DENND2C: variants seen among roughly 807,000 people sequenced by gnomAD.
DENND2C encodes DENN domain containing 2C.
In DENND2C, 72 loss-of-function variants were observed where a neutral mutation model predicts 112.4. The observed-to-expected ratio is 0.64, with a 90% CI of 0.53 to 0.78. The LOEUF (loss-of-function observed/expected upper bound fraction) is 0.78, where lower values mean the gene tolerates loss of function less well. DENND2C is among the 30% of genes least tolerant of loss of function. The probability of loss-of-function intolerance (pLI) is 0.00; values close to 1 mark genes in which losing one functional copy is unlikely to be tolerated. For synonymous variants in DENND2C, 329 were observed against 381.6 expected, an observed-to-expected ratio of 0.86 and a Z score of 1.61; for missense variants, 992 against 1,113.8, an observed-to-expected ratio of 0.89 and a Z score of 1.56.
intron 8 of DENND2C, among the ~76,000 whole-genome samples, chr1:114,612,964 A>G (rs1655864973): frequency 6.6e-6 from 1 of 152,186 alleles, no homozygotes; most frequent in African/African-American, 2.4e-5. Context: ...CCTGGCCAAC[A>G]TTTTAAATCC....
intron 18 of DENND2C, among the ~76,000 whole-genome samples, chr1:114,593,637 T>C (rs924385775): frequency 6.6e-6 from 1 of 151,908 alleles, no homozygotes; most frequent in East Asian, 1.9e-4. Flanking sequence ...ATAAAAAGAT[T>C]AGCTAGGTGT....
chr1:114,608,593 T>TAAC, intron 10 of DENND2C, 93 bp downstream of exon 10: 1 of 1,399,348 alleles, frequency 7.1e-7, no homozygotes, highest in Non-Finnish European at 9.7e-7. Flanking sequence ...TGGTAAAAAC[T>TAAC]TGTTGAGATA....
At chr1:114,586,647 G>T (rs1236596185) in intron 20 of DENND2C, 1 of 151,770 alleles carries the variant, frequency 6.6e-6, no homozygotes. Context: ...TAAAGCTTTT[G>T]TGATGAGGCC....
chr1:114,588,487 A>G, intron 18 of DENND2C: 1 of 153,978 alleles, frequency 6.5e-6, no homozygotes, highest in Non-Finnish European at 1.4e-5. Flanking sequence ...GCACAGAGAT[A>G]GAGCTGGCTA....
intron 16 of DENND2C, among the ~76,000 whole-genome samples, chr1:114,596,167 G>A (rs1365496809): frequency 1.3e-5 from 2 of 152,190 alleles, no homozygotes; most frequent in Non-Finnish European, 2.9e-5. Flanking sequence ...CAGCCCAGGA[G>A]TTGGAGACCA....
chr1:114,659,433 C>T (rs545927446), intron 1 of DENND2C, among the ~76,000 whole-genome samples: 2 of 152,204 alleles, frequency 1.3e-5, no homozygotes, highest in African/African-American at 4.8e-5. Context: ...ACCCAGGAGG[C>T]AGAGGTTGCA....
chr1:114,601,998 C>A (rs1326879298), intron 12 of DENND2C, 127 bp downstream of exon 12: 3 of 867,654 alleles, frequency 3.5e-6, no homozygotes, highest in Non-Finnish European at 1.8e-6. Context: ...AAAGCTAATA[C>A]AGCTTCCTTA....
At chr1:114,641,988 T>C (rs950438992) in intron 3 of DENND2C, among the ~76,000 whole-genome samples, 4 of 152,186 alleles carry the variant, frequency 2.6e-5, no homozygotes, top group Non-Finnish European at 4.4e-5. Context: ...AGTCTTGCTC[T>C]GTCACCTTGG....
chr1:114,644,390 C>A (rs1479933048), intron 3 of DENND2C, among the ~76,000 whole-genome samples: 1 of 152,008 alleles, frequency 6.6e-6, no homozygotes, highest in Non-Finnish European at 1.5e-5. Context: ...AGAGTATGCA[C>A]CATACAGTAA....
intron 2 of DENND2C, among the ~76,000 whole-genome samples, chr1:114,650,496 C>T (rs1458681719): frequency 1.3e-5 from 2 of 148,770 alleles, no homozygotes; most frequent in Non-Finnish European, 3.0e-5. Flanking sequence ...AATGCTGTCT[C>T]TACTAAAAAT....
chr1:114,595,810 A>C, intron 17 of DENND2C, 22 bp downstream of exon 17: 1 of 1,601,896 alleles, frequency 6.2e-7, no homozygotes, highest in Non-Finnish European at 8.6e-7. Flanking sequence ...AAACATAAGT[A>C]ATTACCTCCT....
chr1:114,669,861 C>T (rs980785469), intron 1 of DENND2C, 122 bp downstream of exon 1: 12 of 152,306 alleles, frequency 7.9e-5, no homozygotes, highest in African/African-American at 2.9e-4. Context: ...CTCGCACCGT[C>T]CGAGGACTAC....
chr1:114,599,573 AAC>A lies in DENND2C; in HGVS notation c.2106-124_2106-123del, dbSNP rs1444202217. The A allele has an allele frequency of 1.8e-5, 13 of 742,494 alleles. No individual in the cohort carries two copies. The African/African-American group carries it at 1.8e-4, about 10-fold the overall frequency. The allele number at this position is 742,494 out of a possible 1,614,324, so 46.0% of individuals were successfully genotyped here. On this transcript the variant is annotated intron_variant, in intron 15 of 20. Coordinates refer to ENST00000393274, the MANE Select transcript of DENND2C (RefSeq NM_001256404.2). ...GTGATCATAGATTAAAAACTATGCA[AAC>A]AGTCATTAATTTTTTAACATTTTAC... is the stretch of plus-strand genomic sequence containing the variant.
chr1:114,604,143 A>G (rs1655596591), intron 11 of DENND2C, among the ~76,000 whole-genome samples: 2 of 152,222 alleles, frequency 1.3e-5, no homozygotes, highest in Admixed American at 1.3e-4. Context: ...GAGAGTGTCA[A>G]TCAGGCTAAA....
chr1:114,588,486 T>G (rs531423586), intron 18 of DENND2C: 1 of 153,854 alleles, frequency 6.5e-6, no homozygotes, highest in Non-Finnish European at 1.4e-5. Flanking sequence ...GGCACAGAGA[T>G]AGAGCTGGCT....
intron 2 of DENND2C, among the ~76,000 whole-genome samples, chr1:114,652,312 C>T (rs185939952): frequency 9.2e-5 from 14 of 152,246 alleles, no homozygotes; most frequent in African/African-American, 3.4e-4. Flanking sequence ...TATATACCTG[C>T]TATACATACA....
At position 114,662,866 on chromosome 1, in the gene DENND2C, G is replaced by T. The variant is rs145608950; in HGVS notation, c.-574+7117C>A. On this transcript the variant is annotated intron_variant, in intron 1 of 20. Coordinates refer to ENST00000393274, the MANE Select transcript of DENND2C (RefSeq NM_001256404.2). ...TGCGAGCTAACTGGGAGGCTGAGGTGGAGGGATCGTGTGAGCCCAGGGGTT... is the reference window on the plus strand; with the variant it reads ...TGCGAGCTAACTGGGAGGCTGAGGTTGAGGGATCGTGTGAGCCCAGGGGTT... 8.2e-3 allele frequency among the ~76,000 whole-genome samples: 1,250 copies of T among 152,232 alleles called. 7 individuals are homozygous for T. Among genetic ancestry groups the T allele is most frequent in the Non-Finnish European group, 0.013 (909 of 68,000 alleles).
intron 17 of DENND2C, 72 bp from the exon 18 acceptor site, chr1:114,594,650 G>C: frequency 7.8e-7 from 1 of 1,286,690 alleles, no homozygotes; most frequent in East Asian, 2.4e-5. Context: ...ATATGCCCTA[G>C]TTATTTCTCC....
At chr1:114,615,968 G>C (rs1031473626) in intron 8 of DENND2C, among the ~76,000 whole-genome samples, 2 of 152,016 alleles carry the variant, frequency 1.3e-5, no homozygotes, top group African/African-American at 4.8e-5. Context: ...CCAGCTACTC[G>C]GGAGGCTGAG....
Sources: gnomAD v4.1 joint callset for allele counts (sites outside exome capture counted in the v4.1 genomes callset) on GRCh38, gnomAD v4.1.1 for gene constraint, MANE v1.5 for transcripts, NCBI Gene and HGNC (gene_info 2026-07-23, HGNC 2026-07-21) for gene names.